CPEB2: variants seen among roughly 807,000 people sequenced by gnomAD.
CPEB2 encodes cytoplasmic polyadenylation element-binding protein 2.
A neutral mutation model predicts 93.6 loss-of-function variants in CPEB2; 56 were observed. That is an observed-to-expected ratio of 0.60 (90% CI 0.48 to 0.75). The LOEUF is 0.75. Ranked by LOEUF, CPEB2 falls within the 30% of genes least tolerant of loss-of-function variation. CPEB2 has a pLI of 0.00. For synonymous variants in CPEB2, 764 were observed against 586.3 expected, an observed-to-expected ratio of 1.30 and a Z score of -4.38; for missense variants, 1,579 against 1,395.1, an observed-to-expected ratio of 1.13 and a Z score of -2.10.
chr4:15,036,633 T>G (rs994726594), intron 5 of CPEB2, among the ~76,000 whole-genome samples: 6 of 152,196 alleles, frequency 3.9e-5, no homozygotes, highest in African/African-American at 1.4e-4. Flanking sequence ...TACCCCTTTC[T>G]CAAGGAAAAT....
At position 15,062,340 on chromosome 4, in the gene CPEB2, T is replaced by C. The variant is rs559576476; in HGVS notation, c.2877+80T>C. 6.7e-5 allele frequency: 67 copies of C among 1,002,486 alleles called. No homozygotes were observed. In the South Asian group the frequency reaches 1.8e-3, roughly 26 times the overall value. The allele number at this position is 1,002,486 out of a possible 1,614,324, so 62.1% of individuals were successfully genotyped here. A position where few individuals can be genotyped will look rare whatever the true frequency, so the allele number is the denominator to read the frequency against. On this transcript the variant is annotated intron_variant, in intron 11 of 11. Coordinates refer to ENST00000538197, the MANE Select transcript of CPEB2 (RefSeq NM_001177382.2). ...GCCTCATACCCTAACGAGTTAATAA[T>C]ATAATTTGAACACTTTAATTTTTAT...
At chr4:15,045,891 AG>A (rs1727628846) in intron 6 of CPEB2, among the ~76,000 whole-genome samples, 1 of 152,210 alleles carries the variant, frequency 6.6e-6, no homozygotes, top group Non-Finnish European at 1.5e-5. Flanking sequence ...AGAAATGATT[AG>A]CTTTTTGTAC....
chr4:15,055,433 T>G (rs943849213), intron 8 of CPEB2, among the ~76,000 whole-genome samples: 1 of 152,182 alleles, frequency 6.6e-6, no homozygotes, highest in Non-Finnish European at 1.5e-5. Flanking sequence ...GTCCATAGTT[T>G]TACTCTCTTG....
chr4:15,003,562 C>T lies in CPEB2; in HGVS notation c.889C>T (p.Pro297Ser). 1 of 1,467,448 alleles carries T rather than the reference C, an allele frequency of 6.8e-7. No individual in the cohort carries two copies. The highest frequency in any genetic ancestry group is 3.0e-5 in the East Asian group (1 of 32,986). The allele number at this position is 1,467,448 out of a possible 1,614,324, so 90.9% of individuals were successfully genotyped here. ...AAGEGSAAESPNAGLASSTPV... is the reference protein window; with the variant it reads ...AAGEGSAAESSNAGLASSTPV... Reference sequence around the variant, plus strand: ...GGGCGAGGGCAGCGCCGCCGAGTCCCCCAATGCGGGCTTGGCCTCCTCGAC... The same window carrying T: ...GGGCGAGGGCAGCGCCGCCGAGTCCTCCAATGCGGGCTTGGCCTCCTCGAC... Residue 297 changes from proline to serine, a missense_variant, in exon 1 of 12, where the codon CCC becomes TCC. Physicochemically the swap from Pro to Ser is moderately conservative, Grantham distance 74. Around this residue, in one of 2 missense-constraint regions of CPEB2, gnomAD observed 1,411 missense variants for 1,056.0 expected, o/e 1.34. Transcript: ENST00000538197.
At chr4:15,004,889 ACT>A (rs1390174636) in intron 1 of CPEB2, 2 of 151,458 alleles carry the variant, frequency 1.3e-5, no homozygotes, top group African/African-American at 2.4e-5. Flanking sequence ...GGAGCCCAAG[ACT>A]CTGTCTCGCT....
chr4:15,028,654 A>C (rs1349931267), intron 4 of CPEB2, among the ~76,000 whole-genome samples: 1 of 152,084 alleles, frequency 6.6e-6, no homozygotes, highest in African/African-American at 2.4e-5. Flanking sequence ...TTTAGACAGG[A>C]TAGTCTGTCA....
In CPEB2 at chr4:15,003,410, C is replaced by A; in HGVS notation, c.737C>A (p.Pro246Gln). ...CTCCTGCATCAGCAGCACCTCTCGC[C>A]GCAGGACTTCGCCCCGCGGCAGCGT... ...FSLLHQQHLS[P>Q]QDFAPRQRPA... Residue 246 changes from proline to glutamine, a missense_variant, in exon 1 of 12, where the codon CCG becomes CAG. This residue lies in a region of CPEB2 where 1,411 missense variants were observed against 1,056.0 expected (regional missense o/e 1.34). Transcript: ENST00000538197. 1 of 1,360,766 alleles carries A rather than the reference C, an allele frequency of 7.3e-7. No homozygotes were observed. The highest frequency in any genetic ancestry group is 9.4e-7 in the Non-Finnish European group (1 of 1,067,384). The allele number at this position is 1,360,766 out of a possible 1,614,324, so 84.3% of individuals were successfully genotyped here.
At chr4:15,058,712 C>G (rs1400581956) in intron 9 of CPEB2, among the ~76,000 whole-genome samples, 173 bp downstream of exon 9, 3 of 152,198 alleles carry the variant, frequency 2.0e-5, no homozygotes, top group African/African-American at 7.2e-5. Flanking sequence ...TGGACCAGTA[C>G]TGGTGGTCCA....
At chr4:15,056,900 C>T (rs572985536) in intron 8 of CPEB2, among the ~76,000 whole-genome samples, 1 of 151,926 alleles carries the variant, frequency 6.6e-6, no homozygotes, top group South Asian at 2.1e-4. Flanking sequence ...CCTGATATGG[C>T]TTAATTTTTG....
At chr4:15,022,373 G>A (rs1724910319) in intron 4 of CPEB2, among the ~76,000 whole-genome samples, 1 of 152,124 alleles carries the variant, frequency 6.6e-6, no homozygotes, top group Non-Finnish European at 1.5e-5. Context: ...AAAAAGGGGT[G>A]CATTTCTCAA....
Position 15,066,914 on chromosome 4 carries a change from C to A in CPEB2, c.*534C>A, listed in dbSNP as rs1729741731. 6.5e-6 allele frequency: 1 copy of A among 153,736 alleles called. No homozygotes were observed. The highest frequency in any genetic ancestry group is 1.5e-5 in the Non-Finnish European group (1 of 68,942). 9.5% of individuals were successfully genotyped at this position (153,736 alleles called of 1,614,324 possible). A position where few individuals can be genotyped will look rare whatever the true frequency, so the allele number is the denominator to read the frequency against. On this transcript the variant is annotated 3_prime_UTR_variant, in exon 12 of 12. Transcript: ENST00000538197. ...CCATTTTGACTTGCAAGAAATAATA[C>A]CTCAAGATAATCTGATTTATTAGCT...
chr4:15,054,323 A>G (rs1728519247), intron 8 of CPEB2, 106 bp downstream of exon 8: 1 of 777,534 alleles, frequency 1.3e-6, no homozygotes, highest in East Asian at 2.6e-5. Context: ...ACTTGCTATG[A>G]TTTGATAATT....
At position 15,062,410 on chromosome 4, in the gene CPEB2, A is replaced by G; in HGVS notation, c.2877+150A>G. On this transcript the variant is annotated intron_variant, in intron 11 of 11. Transcript: ENST00000538197. ...GATATTATATAAAAATATCCTTGAA[A>G]TGGAAAATTACTGAACACACTTTAA... 8 of 505,174 alleles carry G rather than the reference A, an allele frequency of 1.6e-5. No individual in the cohort carries two copies. The South Asian group carries it at 1.8e-4, about 11-fold the overall frequency. 31.3% of individuals were successfully genotyped at this position (505,174 alleles called of 1,614,324 possible).
chr4:15,040,027 C>A (rs561691977), intron 5 of CPEB2, among the ~76,000 whole-genome samples: 1 of 152,172 alleles, frequency 6.6e-6, no homozygotes, highest in South Asian at 2.1e-4. Context: ...TAGATTGGAT[C>A]TGAACAGCTA....
chr4:15,042,348 A>T (rs931286944), intron 6 of CPEB2, among the ~76,000 whole-genome samples: 35 of 152,136 alleles, frequency 2.3e-4, no homozygotes, highest in Admixed American at 1.0e-3. Context: ...AAAAAACAAA[A>T]TTTTTTTCCC....
intron 4 of CPEB2, among the ~76,000 whole-genome samples, chr4:15,023,250 C>T (rs1724997292): frequency 6.6e-6 from 1 of 151,956 alleles, no homozygotes; most frequent in African/African-American, 2.4e-5. Context: ...ATATAACTTG[C>T]AGTGATAAAA....
intron 7 of CPEB2, among the ~76,000 whole-genome samples, chr4:15,053,005 AT>A (rs1273039004): frequency 1.3e-5 from 2 of 148,592 alleles, no homozygotes; most frequent in East Asian, 3.9e-4. Context: ...GTTTATTTTT[AT>A]TTTTATTTAT....
rs568688356 is a variant in CPEB2, at chr4:15,004,595, G to T, written c.1662+260G>T. Among the ~76,000 whole-genome samples, 449 of 152,184 alleles carry T rather than the reference G, an allele frequency of 3.0e-3. 5 individuals are homozygous for T. Among genetic ancestry groups the T allele is most frequent in the African/African-American group, 0.011 (441 of 41,562 alleles). On this transcript the variant is annotated intron_variant, in intron 1 of 11. Coordinates refer to ENST00000538197, the MANE Select transcript of CPEB2 (RefSeq NM_001177382.2). The stretch of plus-strand genomic sequence containing the variant: ...CGAGTTCGCGCTGGGAGCCGCGGCT[G>T]GCCGGGCGCCCCCTCGAACGTCCCG...
At position 15,002,861 on chromosome 4, in the gene CPEB2, C is replaced by A. The variant is rs1480063743; in HGVS notation, c.188C>A (p.Ser63Tyr). 1 of 1,533,618 alleles carries A rather than the reference C, an allele frequency of 6.5e-7. No homozygotes were observed. Among genetic ancestry groups the A allele is most frequent in the Admixed American group, 2.0e-5 (1 of 50,678 alleles). The stretch of plus-strand genomic sequence containing the variant: ...GTCACCGGCTTCTTAGAGGCCGCCT[C>A]CCCCTTCTCCGTCCCCCTCGGCGGC... ...LPVTGFLEAA[S>Y]PFSVPLGGGA... The change falls in exon 1 of 12, where the codon TCC becomes TAC. Residue 63 changes from serine (S) to tyrosine (Y), a missense_variant. Around this residue, in one of 2 missense-constraint regions of CPEB2, gnomAD observed 1,411 missense variants for 1,056.0 expected, o/e 1.34. Coordinates refer to ENST00000538197, the MANE Select transcript of CPEB2 (RefSeq NM_001177382.2).
Sources: allele counts gnomAD v4.1 joint callset (sites outside exome capture counted in the v4.1 genomes callset), GRCh38; gene constraint gnomAD v4.1.1; regional missense constraint gnomAD v4.1.1; transcripts MANE v1.5; gene names NCBI Gene and HGNC (gene_info 2026-07-23, HGNC 2026-07-21).